Variants in ARHGAP10 observed in about 807,000 individuals in gnomAD.
ARHGAP10 encodes the protein rho GTPase-activating protein 10.
ARHGAP10 carries 87 observed loss-of-function variants against 108.6 expected under a neutral mutation model. That is an observed-to-expected ratio of 0.80 (90% CI 0.67 to 0.96). The LOEUF is 0.96. ARHGAP10 is among the 40% of genes least tolerant of loss of function. ARHGAP10 has a pLI of 0.00. For synonymous variants in ARHGAP10, 347 were observed against 341.1 expected (o/e 1.02, Z -0.19); for missense variants, 939 against 954.5 (o/e 0.98, Z 0.21).
At chr4:148,054,281 CTT>C (rs1291334731) in intron 20 of ARHGAP10, among the ~76,000 whole-genome samples, 18 of 152,198 alleles carry the variant, frequency 1.2e-4, no homozygotes, top group African/African-American at 4.1e-4. Context: ...CCTTGAAGAT[CTT>C]TTATATAAGT....
chr4:148,000,261 C>T (rs944740095), intron 18 of ARHGAP10, among the ~76,000 whole-genome samples: 1 of 152,148 alleles, frequency 6.6e-6, no homozygotes, highest in African/African-American at 2.4e-5. Context: ...ATGAACTCAT[C>T]TTTTTGATGG....
At chr4:148,054,050 C>G (rs943423238) in intron 20 of ARHGAP10, among the ~76,000 whole-genome samples, 2 of 152,146 alleles carry the variant, frequency 1.3e-5, no homozygotes, top group African/African-American at 2.4e-5. Context: ...TTGCATCAGT[C>G]ATTTTTGGTT....
chr4:147,750,769 T>A (rs1475385575), intron 1 of ARHGAP10, among the ~76,000 whole-genome samples: 1 of 151,626 alleles, frequency 6.6e-6, no homozygotes, highest in Non-Finnish European at 1.5e-5. Context: ...GCCTGGCTAA[T>A]TTTTGTATTT....
chr4:147,767,925 A>T (rs900317719), intron 1 of ARHGAP10, among the ~76,000 whole-genome samples: 2 of 152,220 alleles, frequency 1.3e-5, no homozygotes, highest in Non-Finnish European at 2.9e-5. Context: ...GGGAGCAAAG[A>T]TATGAGATTA....
At chr4:147,989,799 T>G (rs1740199931) in intron 18 of ARHGAP10, among the ~76,000 whole-genome samples, 1 of 152,182 alleles carries the variant, frequency 6.6e-6, no homozygotes, top group Non-Finnish European at 1.5e-5. Context: ...ATGATATACA[T>G]CCTTCTCGGC....
At chr4:148,054,992 T>C (rs1235876157) in intron 20 of ARHGAP10, among the ~76,000 whole-genome samples, 1 of 152,212 alleles carries the variant, frequency 6.6e-6, no homozygotes. Flanking sequence ...AGACCTCGAA[T>C]GCCCCCTAAT....
chr4:147,742,476 C>CTTTTTTTTTTTTTTTTTTTTT (rs11420720), intron 1 of ARHGAP10, among the ~76,000 whole-genome samples: 1 of 86,494 alleles, frequency 1.2e-5, no homozygotes, highest in Non-Finnish European at 2.0e-5. Context: ...TCTGTGAACA[C>CTTTTTTTTTTTTTTTTTTTTT]TTTTTTTTTT....
At chr4:147,784,045 T>A (rs1730694553) in intron 1 of ARHGAP10, among the ~76,000 whole-genome samples, 1 of 143,516 alleles carries the variant, frequency 7.0e-6, no homozygotes, top group Non-Finnish European at 1.5e-5. Flanking sequence ...AAATTATATA[T>A]TATATATTTT....
chr4:147,769,053 A>G (rs1729961851), intron 1 of ARHGAP10, among the ~76,000 whole-genome samples: 1 of 152,124 alleles, frequency 6.6e-6, no homozygotes, highest in Non-Finnish European at 1.5e-5. Flanking sequence ...TCAGCATATG[A>G]AAATTAAAAA....
chr4:148,001,987 G>C (rs1188777891), intron 18 of ARHGAP10, among the ~76,000 whole-genome samples: 5 of 152,146 alleles, frequency 3.3e-5, no homozygotes, highest in Non-Finnish European at 5.9e-5. Context: ...TCCCTGTCTT[G>C]TGCCAGTTTT....
intron 1 of ARHGAP10, among the ~76,000 whole-genome samples, chr4:147,776,675 C>T (rs181505045): frequency 1.0e-3 from 156 of 152,174 alleles, no homozygotes; most frequent in African/African-American, 3.3e-3. Context: ...TCTCCTATTC[C>T]CTTTGTTTCC....
At chr4:147,998,137 A>T (rs577023441) in intron 18 of ARHGAP10, among the ~76,000 whole-genome samples, 1 of 152,290 alleles carries the variant, frequency 6.6e-6, no homozygotes, top group Non-Finnish European at 1.5e-5. Context: ...AAATTAATGA[A>T]TTAGGAAAGA....
chr4:147,746,617 T>C (rs952164348), intron 1 of ARHGAP10, among the ~76,000 whole-genome samples: 5 of 151,964 alleles, frequency 3.3e-5, no homozygotes, highest in Admixed American at 3.3e-4. Flanking sequence ...CTTGAACTCC[T>C]GACCTCAGCT....
intron 6 of ARHGAP10, chr4:147,865,916 G>T (rs1290617864): frequency 6.6e-6 from 1 of 152,196 alleles, no homozygotes; most frequent in Admixed American, 6.5e-5. Context: ...ATTGTTCTAA[G>T]TGTTGTACCG....
At chr4:147,801,508 A>T (rs553987038) in intron 1 of ARHGAP10, among the ~76,000 whole-genome samples, 23 of 152,240 alleles carry the variant, frequency 1.5e-4, no homozygotes, top group Non-Finnish European at 2.9e-5. Context: ...AGTGAATAAC[A>T]TGCTGTGTTT....
At chr4:147,906,946 C>G (rs971909653) in intron 11 of ARHGAP10, among the ~76,000 whole-genome samples, 7 of 152,130 alleles carry the variant, frequency 4.6e-5, no homozygotes, top group African/African-American at 1.7e-4. Context: ...CTTGACTTGC[C>G]ACTCTGATTT....
In ARHGAP10 at chr4:148,047,021, G is replaced by A. The variant is rs144604709; in HGVS notation, c.1997G>A (p.Gly666Glu). 2.0e-3 allele frequency: 3,170 copies of A among 1,614,172 alleles called. 4 individuals carry two copies. The highest frequency in any genetic ancestry group is 2.5e-3 in the Non-Finnish European group (2,938 of 1,180,026). ...GACAAAAACCACCTTCTGGCAGATG[G>A]AGGGAGCTTTGGAGACTGGGCATCC... ...GPDKNHLLAD[G>E]GSFGDWASTI... Residue 666 changes from glycine (G) to glutamate (E), a missense_variant, in exon 20 of 23, where the codon GGA (glycine) becomes GAA (glutamate). Transcript: ENST00000336498.
intron 8 of ARHGAP10, among the ~76,000 whole-genome samples, chr4:147,876,592 C>CA (rs1344893832): frequency 6.6e-6 from 1 of 151,242 alleles, no homozygotes; most frequent in African/African-American, 2.4e-5. Flanking sequence ...GACTCTGTCT[C>CA]AAAAAAAGGA....
chr4:148,013,966 G>C (rs532580112), intron 18 of ARHGAP10, among the ~76,000 whole-genome samples: 1 of 152,086 alleles, frequency 6.6e-6, no homozygotes, highest in Admixed American at 6.5e-5. Context: ...TTGATCTTCT[G>C]TGCTGCTAGT....
Sources: allele counts gnomAD v4.1 joint callset (sites outside exome capture counted in the v4.1 genomes callset), GRCh38; gene constraint gnomAD v4.1.1; transcripts MANE v1.5; gene names NCBI Gene and HGNC (gene_info 2026-07-23, HGNC 2026-07-21).